DMXL2: variants seen among roughly 807,000 people sequenced by gnomAD.
DMXL2 encodes dmX-like protein 2.
A neutral mutation model predicts 331.1 loss-of-function variants in DMXL2; 103 were observed. That is an observed-to-expected ratio of 0.31 (90% CI 0.27 to 0.37). The LOEUF (loss-of-function observed/expected upper bound fraction) is 0.37. DMXL2 is among the 10% of genes least tolerant of loss of function. The pLI is 1.00. For synonymous variants in DMXL2, 1,281 were observed against 1,252.1 expected (o/e 1.02, Z -0.49); for missense variants, 3,171 against 3,642.9 (o/e 0.87, Z 3.33).
rs537290935 is a variant in DMXL2, at chr15:51,562,507, G to A, written c.567+874C>T. On this transcript the variant is annotated intron_variant, in intron 6 of 43. Coordinates refer to ENST00000560891, the MANE Select transcript of DMXL2 (RefSeq NM_001378457.1). The stretch of plus-strand genomic sequence containing the variant: ...TCCCAAAGTTGGTAAAAGAAAATCC[G>A]AAAATGGTAGCTCTGCTATTTTAGA... 3.9e-5 allele frequency among the ~76,000 whole-genome samples: 6 copies of A among 152,262 alleles called. No homozygotes were observed. In the South Asian group the frequency reaches 6.2e-4, roughly 16 times the overall value.
At chr15:51,521,198 G>A (rs1219908120) in intron 13 of DMXL2, among the ~76,000 whole-genome samples, 1 of 152,072 alleles carries the variant, frequency 6.6e-6, no homozygotes, top group African/African-American at 2.4e-5. Context: ...GGTCTCTAGA[G>A]CTAGGCTGCT....
intron 6 of DMXL2, among the ~76,000 whole-genome samples, chr15:51,550,811 G>A (rs1180593153): frequency 6.6e-6 from 1 of 152,110 alleles, no homozygotes; most frequent in African/African-American, 2.4e-5. Flanking sequence ...GGTAGAAAAG[G>A]CTCTTTAGTA....
chr15:51,588,694 G>C (rs1442394097), intron 1 of DMXL2, among the ~76,000 whole-genome samples: 1 of 152,130 alleles, frequency 6.6e-6, no homozygotes, highest in Non-Finnish European at 1.5e-5. Context: ...TGCTCAAATA[G>C]TATGATTAAA....
At chr15:51,526,129 G>A (rs1324196161) in intron 13 of DMXL2, among the ~76,000 whole-genome samples, 1 of 134,728 alleles carries the variant, frequency 7.4e-6, no homozygotes, top group African/African-American at 2.7e-5. Context: ...GGAGGGGGAA[G>A]GAGAGAGAGG....
chr15:51,504,341 G>A (rs2043901566), intron 16 of DMXL2, among the ~76,000 whole-genome samples: 1 of 152,170 alleles, frequency 6.6e-6, no homozygotes, highest in Admixed American at 6.5e-5. Flanking sequence ...ATCAGAGAAT[G>A]ATTTCAAGAA....
chr15:51,481,617 A>G lies in DMXL2; in HGVS notation c.5489T>C (p.Ile1830Thr). Reference sequence around the variant, plus strand: ...AAATGCCACCGGGTTACAAGACTTGATGATAACTATAGAAATCAAACAGAT... The same window carrying G: ...AAATGCCACCGGGTTACAAGACTTGGTGATAACTATAGAAATCAAACAGAT... ...PKEDDEHQVI[I>T]KSCNPVAFSF... The change falls in exon 24 of 44, where the codon ATC becomes ACC. Residue 1830 changes from isoleucine (I) to threonine (T), a missense_variant. Physicochemically the swap from Ile to Thr is moderately conservative, Grantham distance 89. This residue lies in a region of DMXL2 where 244 missense variants were observed against 251.4 expected (regional missense o/e 0.97). Transcript: ENST00000560891. 6.5e-7 allele frequency: 1 copy of G among 1,545,730 alleles called. No homozygotes were observed.
Position 51,480,115 on chromosome 15 carries a change from A to C in DMXL2, c.6589T>G (p.Ser2197Ala). ...QQETTVKQLQ[S>A]PLPLPTTLPL... Reference sequence around the variant, plus strand: ...AGGGTGGTAGGCAGTGGTAGTGGAGACTGGAGCTGCTTTACTGTAGTTTCC... The same window carrying C: ...AGGGTGGTAGGCAGTGGTAGTGGAGCCTGGAGCTGCTTTACTGTAGTTTCC... Residue 2197 changes from serine to alanine, a missense_variant, in exon 25 of 44, where the codon TCT becomes GCT. Physicochemically the swap from Ser to Ala is moderately conservative, Grantham distance 99. Transcript: ENST00000560891. 2 of 1,565,336 alleles carry C rather than the reference A, an allele frequency of 1.3e-6. No homozygotes were observed. The highest frequency in any genetic ancestry group is 1.7e-6 in the Non-Finnish European group (2 of 1,147,488).
At chr15:51,483,921 G>A (rs60738713) in intron 23 of DMXL2, among the ~76,000 whole-genome samples, 1,753 of 150,458 alleles carry the variant, frequency 0.012, 27 homozygotes, top group East Asian at 0.026. Flanking sequence ...ATAGCCCCAT[G>A]AGCCCCTAAC....
intron 28 of DMXL2, 88 bp from the exon 29 acceptor site, chr15:51,471,489 G>T: frequency 7.7e-7 from 1 of 1,294,874 alleles, no homozygotes. Context: ...TCCTACTCTT[G>T]CCATGTTTTG....
intron 24 of DMXL2, among the ~76,000 whole-genome samples, 180 bp from the exon 25 acceptor site, chr15:51,480,319 T>C (rs1220528394): frequency 1.3e-5 from 2 of 152,224 alleles, no homozygotes; most frequent in Non-Finnish European, 2.9e-5. Flanking sequence ...GGTATATAGA[T>C]AAATATGACA....
intron 4 of DMXL2, among the ~76,000 whole-genome samples, chr15:51,564,539 G>GT (rs1432585067): frequency 6.6e-6 from 1 of 151,862 alleles, no homozygotes; most frequent in Non-Finnish European, 1.5e-5. Flanking sequence ...AACAACAAAT[G>GT]TATTAATAGA....
chr15:51,622,656 C>A lies in DMXL2; in HGVS notation c.-111G>T. 6.9e-7 allele frequency: 1 copy of A among 1,449,736 alleles called. No individual in the cohort carries two copies. Among genetic ancestry groups the A allele is most frequent in the Non-Finnish European group, 9.1e-7 (1 of 1,096,538 alleles). 89.8% of individuals were successfully genotyped at this position (1,449,736 alleles called of 1,614,324 possible). ...TCTGTGCCTCCCTCGGAAACCCGCCCCGCGGAGGCTCTGGCTTAACTCCTC... is the reference window on the plus strand; with the variant it reads ...TCTGTGCCTCCCTCGGAAACCCGCCACGCGGAGGCTCTGGCTTAACTCCTC... On this transcript the variant is annotated 5_prime_UTR_variant, in exon 1 of 44. Transcript: ENST00000560891.
At chr15:51,583,152 T>C (rs1174749965) in intron 1 of DMXL2, among the ~76,000 whole-genome samples, 16 of 132,130 alleles carry the variant, frequency 1.2e-4, no homozygotes, top group Non-Finnish European at 2.3e-4. Flanking sequence ...ATACTCTAAG[T>C]TTTAGGGTAC....
intron 13 of DMXL2, among the ~76,000 whole-genome samples, chr15:51,525,118 C>A (rs148223628): frequency 6.6e-6 from 1 of 151,824 alleles, no homozygotes; most frequent in Non-Finnish European, 1.5e-5. Flanking sequence ...GCCCTATTTC[C>A]CACACGACAT....
chr15:51,613,292 G>A (rs2054094951), intron 1 of DMXL2, among the ~76,000 whole-genome samples: 1 of 152,202 alleles, frequency 6.6e-6, no homozygotes, highest in Admixed American at 6.5e-5. Flanking sequence ...CACAATTTAT[G>A]TTCAGAGACT....
intron 6 of DMXL2, among the ~76,000 whole-genome samples, chr15:51,560,979 AAT>A (rs1350658826): frequency 3.3e-5 from 4 of 121,742 alleles, no homozygotes; most frequent in African/African-American, 1.1e-4. Context: ...TAATTTATGA[AAT>A]ATTTTGTAAT....
At chr15:51,534,104 G>A (rs1489154645) in intron 13 of DMXL2, among the ~76,000 whole-genome samples, 1 of 152,082 alleles carries the variant, frequency 6.6e-6, no homozygotes, top group Non-Finnish European at 1.5e-5. Context: ...GAAAGACTTC[G>A]GGATATTGAC....
At chr15:51,531,646 A>T (rs182977151) in intron 13 of DMXL2, among the ~76,000 whole-genome samples, 112 of 152,370 alleles carry the variant, frequency 7.4e-4, no homozygotes, top group African/African-American at 2.5e-3. Flanking sequence ...AATAACCAGA[A>T]TATATAAGAA....
At chr15:51,568,267 T>G in intron 3 of DMXL2, 1 of 439,060 alleles carries the variant, frequency 2.3e-6, no homozygotes. Context: ...GTTAACACAG[T>G]AAATGTCAAT....
Sources: allele counts gnomAD v4.1 joint callset (sites outside exome capture counted in the v4.1 genomes callset), GRCh38; gene constraint gnomAD v4.1.1; regional missense constraint gnomAD v4.1.1; transcripts MANE v1.5; gene names NCBI Gene and HGNC (gene_info 2026-07-23, HGNC 2026-07-21).